The following KIAA1958 variants were observed in gnomAD, a reference collection of about 807,000 sequenced individuals.
KIAA1958 encodes the protein KIAA1958, also known as uncharacterized protein KIAA1958.
A neutral mutation model predicts 47.2 loss-of-function variants in KIAA1958; 14 were observed. The observed-to-expected ratio is 0.30, with a 90% CI of 0.20 to 0.46. The LOEUF is 0.46. KIAA1958 is among the 20% of genes least tolerant of loss of function. The pLI is 1.00. For synonymous variants in KIAA1958, 354 were observed against 353.3 expected, an observed-to-expected ratio of 1.00 and a Z score of -0.02; for missense variants, 803 against 909.2, an observed-to-expected ratio of 0.88 and a Z score of 1.50.
chr9:112,620,294 T>C (rs1836480582), intron 2 of KIAA1958, among the ~76,000 whole-genome samples: 1 of 152,216 alleles, frequency 6.6e-6, no homozygotes, highest in Admixed American at 6.5e-5. Context: ...ACTCCAAATC[T>C]TGATTGTTTT....
At chr9:112,571,162 AC>A (rs1002854235) in intron 1 of KIAA1958, among the ~76,000 whole-genome samples, 9 of 152,116 alleles carry the variant, frequency 5.9e-5, no homozygotes, top group African/African-American at 1.9e-4. Context: ...TTACAGACAC[AC>A]CCCCAAATAA....
At chr9:112,587,360 G>T in intron 2 of KIAA1958, among the ~76,000 whole-genome samples, 1 of 152,124 alleles carries the variant, frequency 6.6e-6, no homozygotes, top group East Asian at 1.9e-4. Context: ...ATGTTGGCCA[G>T]GCTGGTCTCA....
intron 1 of KIAA1958, among the ~76,000 whole-genome samples, chr9:112,549,191 C>T (rs747233264): frequency 6.6e-6 from 1 of 152,124 alleles, no homozygotes; most frequent in Non-Finnish European, 1.5e-5. Flanking sequence ...AAGATGGTAA[C>T]GACATATGCA....
At chr9:112,522,477 T>G (rs1194329192) in intron 1 of KIAA1958, among the ~76,000 whole-genome samples, 1 of 152,208 alleles carries the variant, frequency 6.6e-6, no homozygotes, top group East Asian at 1.9e-4. Flanking sequence ...AGTCACATTT[T>G]ATATCTGTCC....
chr9:112,603,334 C>T (rs2131201929), intron 2 of KIAA1958, among the ~76,000 whole-genome samples: 1 of 152,222 alleles, frequency 6.6e-6, no homozygotes, highest in African/African-American at 2.4e-5. Context: ...ATGTGGCTAT[C>T]CCATTGGTCT....
At chr9:112,589,377 A>G (rs1835881017) in intron 2 of KIAA1958, among the ~76,000 whole-genome samples, 1 of 152,148 alleles carries the variant, frequency 6.6e-6, no homozygotes, top group Non-Finnish European at 1.5e-5. Flanking sequence ...CTGGTGGATC[A>G]CCTGAGGTCA....
intron 1 of KIAA1958, among the ~76,000 whole-genome samples, chr9:112,556,089 A>G (rs954533429): frequency 2.0e-5 from 3 of 152,216 alleles, no homozygotes; most frequent in Non-Finnish European, 4.4e-5. Context: ...CCAAAAAAAA[A>G]GCTTCACTTC....
At chr9:112,587,972 A>G (rs992618191) in intron 2 of KIAA1958, among the ~76,000 whole-genome samples, 1 of 152,222 alleles carries the variant, frequency 6.6e-6, no homozygotes, top group Non-Finnish European at 1.5e-5. Context: ...GGTTATTAAA[A>G]TACACAATTA....
intron 1 of KIAA1958, among the ~76,000 whole-genome samples, chr9:112,549,692 G>A (rs138552463): frequency 7.9e-5 from 12 of 152,322 alleles, no homozygotes; most frequent in African/African-American, 2.6e-4. Flanking sequence ...TCGGTGGGGC[G>A]AGGGGAAGAG....
At chr9:112,648,165 A>G (rs1187112238) in intron 3 of KIAA1958, among the ~76,000 whole-genome samples, 1 of 152,230 alleles carries the variant, frequency 6.6e-6, no homozygotes, top group Non-Finnish European at 1.5e-5. Flanking sequence ...GCATTATATA[A>G]TAGGCTAAGG....
intron 1 of KIAA1958, among the ~76,000 whole-genome samples, chr9:112,561,616 A>G (rs1217875953): frequency 6.6e-6 from 1 of 152,108 alleles, no homozygotes; most frequent in Non-Finnish European, 1.5e-5. Context: ...GCACTCTGGG[A>G]GGCTGAGGCG....
chr9:112,587,157 A>ATATTCT (rs1227623902), intron 2 of KIAA1958, among the ~76,000 whole-genome samples: 1 of 152,156 alleles, frequency 6.6e-6, no homozygotes, highest in Admixed American at 6.5e-5. Context: ...TATTTTATTA[A>ATATTCT]TATTCTTTTT....
chr9:112,546,397 T>C (rs185261530), intron 1 of KIAA1958, among the ~76,000 whole-genome samples: 147 of 152,202 alleles, frequency 9.7e-4, no homozygotes, highest in Non-Finnish European at 1.7e-3. Flanking sequence ...TTGTTTAGCA[T>C]ATGATTAAGA....
At chr9:112,539,899 C>T (rs544610139) in intron 1 of KIAA1958, among the ~76,000 whole-genome samples, 53 of 152,134 alleles carry the variant, frequency 3.5e-4, no homozygotes, top group Admixed American at 1.1e-3. Flanking sequence ...CCATGTTGGC[C>T]AGGTTGGTCT....
intron 2 of KIAA1958, among the ~76,000 whole-genome samples, chr9:112,605,441 T>C (rs1034999398): frequency 3.9e-5 from 6 of 152,306 alleles, no homozygotes; most frequent in African/African-American, 1.4e-4. Flanking sequence ...TCTGAGAATA[T>C]TTCATACCAG....
intron 1 of KIAA1958, among the ~76,000 whole-genome samples, chr9:112,487,979 A>G: frequency 9.2e-6 from 1 of 109,002 alleles, no homozygotes; most frequent in Non-Finnish European, 2.0e-5. Context: ...GTGTGTTTTG[A>G]AGTTTAGGAG....
chr9:112,500,354 G>A (rs1587989808), intron 1 of KIAA1958, among the ~76,000 whole-genome samples: 1 of 152,280 alleles, frequency 6.6e-6, no homozygotes, highest in East Asian at 1.9e-4. Flanking sequence ...GCCCGCCTTG[G>A]CCTCCCAAAG....
chr9:112,626,881 T>C (rs1382789661), intron 2 of KIAA1958, among the ~76,000 whole-genome samples: 1 of 152,118 alleles, frequency 6.6e-6, no homozygotes, highest in Non-Finnish European at 1.5e-5. Flanking sequence ...TGTGTAATAT[T>C]CAGTGATGTT....
intron 1 of KIAA1958, among the ~76,000 whole-genome samples, chr9:112,565,358 C>T (rs1287275544): frequency 6.6e-6 from 1 of 152,222 alleles, no homozygotes; most frequent in Admixed American, 6.5e-5. Flanking sequence ...CCTTCTTTGG[C>T]CTCCCAAAGT....
Sources: gnomAD v4.1 joint callset for allele counts (sites outside exome capture counted in the v4.1 genomes callset) on GRCh38, gnomAD v4.1.1 for gene constraint, MANE v1.5 for transcripts, NCBI Gene and HGNC (gene_info 2026-07-23, HGNC 2026-07-21) for gene names.